The following ADAMTS5 variants were observed in gnomAD, a reference collection of about 807,000 sequenced individuals.
ADAMTS5 encodes the protein A disintegrin and metalloproteinase with thrombospondin motifs 5.
Under a neutral mutation model 81.4 loss-of-function variants are expected in ADAMTS5, and 54 were observed. That is an observed-to-expected ratio of 0.66 (90% CI 0.53 to 0.83). The LOEUF is 0.83. Among genes scored for constraint, ADAMTS5 ranks in the 40% least tolerant of loss-of-function variants. The probability of loss-of-function intolerance (pLI) is 0.00; values close to 1 mark genes in which losing one functional copy is unlikely to be tolerated. For synonymous variants in ADAMTS5, 532 were observed against 508.8 expected (o/e 1.05, Z -0.61); for missense variants, 1,194 against 1,229.9 (o/e 0.97, Z 0.44).
At chr21:26,933,131 A>G (rs1246747058) in intron 4 of ADAMTS5, 87 bp from the exon 5 acceptor site, 21 of 1,382,706 alleles carry the variant, frequency 1.5e-5, no homozygotes, top group Middle Eastern at 1.8e-4. Context: ...ATTTAATGAC[A>G]AAGTGGAAAC....
intron 7 of ADAMTS5, among the ~76,000 whole-genome samples, chr21:26,925,540 A>G (rs1244091756): frequency 2.0e-5 from 3 of 152,342 alleles, no homozygotes; most frequent in Non-Finnish European, 2.9e-5. Flanking sequence ...GCTAGGATGG[A>G]AATGCTAATT....
At position 26,966,515 on chromosome 21, in the gene ADAMTS5, G is replaced by T; in HGVS notation, c.-124C>A. 1 of 1,050,136 alleles carries T rather than the reference G, an allele frequency of 9.5e-7. No homozygotes were observed. Among genetic ancestry groups the T allele is most frequent in the Non-Finnish European group, 1.3e-6 (1 of 792,716 alleles). 65.1% of individuals were successfully genotyped at this position (1,050,136 alleles called of 1,614,324 possible). A position where few individuals can be genotyped will look rare whatever the true frequency, so the allele number is the denominator to read the frequency against. On this transcript the variant is annotated 5_prime_UTR_variant, in exon 1 of 8. Transcript: ENST00000284987. Reference sequence around the variant, plus strand: ...ACTTGCTTGCAGGATTGAGTCAAGTGTCGGAGGGAGGGGGGCCCGGCAGCA... The same window carrying T: ...ACTTGCTTGCAGGATTGAGTCAAGTTTCGGAGGGAGGGGGGCCCGGCAGCA...
chr21:26,936,446 A>T (rs1019450290), intron 3 of ADAMTS5, among the ~76,000 whole-genome samples: 1 of 152,196 alleles, frequency 6.6e-6, no homozygotes, highest in African/African-American at 2.4e-5. Context: ...TATTCTTTTT[A>T]TTCAACAAAA....
intron 2 of ADAMTS5, among the ~76,000 whole-genome samples, chr21:26,950,283 A>T (rs2123194594): frequency 6.6e-6 from 1 of 152,322 alleles, no homozygotes; most frequent in Non-Finnish European, 1.5e-5. Context: ...AACATCAATA[A>T]AATTATTGTT....
chr21:26,956,494 T>C (rs1241205593), intron 1 of ADAMTS5, among the ~76,000 whole-genome samples: 1 of 152,170 alleles, frequency 6.6e-6, no homozygotes, highest in Admixed American at 6.5e-5. Flanking sequence ...GTTTTTCAAA[T>C]TGAAATTGGA....
chr21:26,953,432 T>G (rs1047258426), intron 2 of ADAMTS5, among the ~76,000 whole-genome samples: 8 of 152,256 alleles, frequency 5.3e-5, no homozygotes, highest in African/African-American at 1.9e-4. Flanking sequence ...AACTGACATT[T>G]AACTACTGAA....
rs551411133 is a variant in ADAMTS5 at position 26,965,908 on chromosome 21, G to A, written c.484C>T (p.Arg162Cys). 6.2e-7 allele frequency: 1 copy of A among 1,613,884 alleles called. No individual in the cohort carries two copies. Among genetic ancestry groups the A allele is most frequent in the African/African-American group, 1.3e-5 (1 of 75,066 alleles). The stretch of plus-strand genomic sequence containing the variant: ...CGCAGCAGTGGCTTTAGGGTGTAGC[G>A]CGCGTGCTTGACCGCGAAGAAGCCG... ...LDGFFAVKHA[R>C]YTLKPLLRGP... The change falls in exon 1 of 8, where the codon CGC becomes TGC. Residue 162 changes from arginine (R) to cysteine (C), a missense_variant. This residue lies in a region of ADAMTS5 where 498 missense variants were observed against 412.3 expected (regional missense o/e 1.21). Coordinates refer to ENST00000284987, the MANE Select transcript of ADAMTS5 (RefSeq NM_007038.5).
At chr21:26,933,645 G>A (rs1471743938) in intron 4 of ADAMTS5, among the ~76,000 whole-genome samples, 2 of 152,192 alleles carry the variant, frequency 1.3e-5, no homozygotes, top group Non-Finnish European at 2.9e-5. Flanking sequence ...CACCCCTTAG[G>A]GAAGGAAGAG....
At chr21:26,929,380 C>T (rs1306487551) in intron 7 of ADAMTS5, among the ~76,000 whole-genome samples, 1 of 152,166 alleles carries the variant, frequency 6.6e-6, no homozygotes, top group African/African-American at 2.4e-5. Context: ...AGAGACACTG[C>T]TGTATATATT....
chr21:26,945,250 G>A (rs151059), intron 2 of ADAMTS5, among the ~76,000 whole-genome samples: 47,409 of 151,712 alleles, frequency 0.31, 7,827 homozygotes, highest in South Asian at 0.42. Context: ...TACACTTCCC[G>A]AAATTTTCCA....
At chr21:26,934,958 C>T (rs1435541106) in intron 3 of ADAMTS5, among the ~76,000 whole-genome samples, 2 of 151,988 alleles carry the variant, frequency 1.3e-5, no homozygotes, top group African/African-American at 4.8e-5. Flanking sequence ...AGGAGTGATG[C>T]GCTCCGGAGT....
At chr21:26,934,315 G>T in intron 4 of ADAMTS5, 151 bp downstream of exon 4, 2 of 993,632 alleles carry the variant, frequency 2.0e-6, no homozygotes, top group Non-Finnish European at 2.9e-6. Flanking sequence ...AATGGCTACT[G>T]CGGGTAAAAG....
chr21:26,946,620 C>A (rs566557605), intron 2 of ADAMTS5, among the ~76,000 whole-genome samples: 1 of 152,106 alleles, frequency 6.6e-6, no homozygotes, highest in South Asian at 2.1e-4. Context: ...ACAAGCAGAC[C>A]CCAGGAGCAT....
rs1328848911 is a variant in ADAMTS5, at chr21:26,934,574, C to G, written c.1581G>C (p.Met527Ile). The G allele has an allele frequency of 3.1e-6, 5 of 1,614,052 alleles. No homozygotes were observed. The highest frequency in any genetic ancestry group is 4.2e-6 in the Non-Finnish European group (5 of 1,180,042). ...LWCAVVRQGQ[M>I]VCLTKKLPAV... The stretch of plus-strand genomic sequence containing the variant: ...CAGGCAGCTTCTTGGTCAGACAGAC[C>G]ATCTGGCCCTGGCGTACCACAGCAC... Residue 527 changes from methionine to isoleucine, a missense_variant, in exon 4 of 8, where the codon ATG (methionine) becomes ATC (isoleucine). By Grantham distance (10) the Met-to-Ile change is conservative (BLOSUM62 1). This residue lies in a region of ADAMTS5 where 696 missense variants were observed against 817.6 expected (regional missense o/e 0.85). Coordinates refer to ENST00000284987, the MANE Select transcript of ADAMTS5 (RefSeq NM_007038.5).
rs201879333 is a variant in ADAMTS5 at position 26,934,623 on chromosome 21, A to T, written c.1532T>A (p.Met511Lys). The T allele has an allele frequency of 3.7e-6, 6 of 1,614,166 alleles. No homozygotes were observed. In the East Asian group the frequency reaches 1.3e-4, roughly 36 times the overall value. Residue 511 changes from methionine (M) to lysine (K), a missense_variant, in exon 4 of 8, where the codon ATG becomes AAG. Transcript: ENST00000284987. The part of the protein sequence containing the change: ...FGPEYSVCPG[M>K]DVCARLWCAV... Reference sequence around the variant, plus strand: ...ACACCACAGGCGAGCACAGACATCCATGCCGGGACACACGGAGTACTCAGG... The same window carrying T: ...ACACCACAGGCGAGCACAGACATCCTTGCCGGGACACACGGAGTACTCAGG...
At position 26,918,139 on chromosome 21, in the gene ADAMTS5, A is replaced by G. The variant is rs1468900286; in HGVS notation, c.*5914T>C. The G allele has an allele frequency of 6.6e-6, 1 of 152,442 alleles. No homozygotes were observed. Among genetic ancestry groups the G allele is most frequent in the Non-Finnish European group, 1.5e-5 (1 of 67,924 alleles). The allele number at this position is 152,442 out of a possible 1,614,324, so 9.4% of individuals were successfully genotyped here. ...GCTACAAGACACAGTAATGCTTTAA[A>G]TAGTTGATTAAGATTTGAAGGTTGC... On this transcript the variant is annotated 3_prime_UTR_variant, in exon 8 of 8. Coordinates refer to ENST00000284987, the MANE Select transcript of ADAMTS5 (RefSeq NM_007038.5).
At chr21:26,932,269 G>T in intron 5 of ADAMTS5, 90 bp from the exon 6 acceptor site, 2 of 1,391,290 alleles carry the variant, frequency 1.4e-6, no homozygotes, top group Non-Finnish European at 1.9e-6. Context: ...TTAAGGGGAA[G>T]ATGCAAACGT....
intron 2 of ADAMTS5, among the ~76,000 whole-genome samples, chr21:26,947,642 C>G (rs1245057731): frequency 6.6e-6 from 1 of 152,040 alleles, no homozygotes; most frequent in Non-Finnish European, 1.5e-5. Flanking sequence ...ACCATGTTGG[C>G]CGGGGTGGTC....
intron 1 of ADAMTS5, among the ~76,000 whole-genome samples, chr21:26,956,071 C>T (rs1987421123): frequency 6.6e-6 from 1 of 152,182 alleles, no homozygotes; most frequent in South Asian, 2.1e-4. Context: ...AGTGCTCCCA[C>T]ATCTTTAATA....
Sources: gnomAD v4.1 joint callset for allele counts (sites outside exome capture counted in the v4.1 genomes callset) on GRCh38, gnomAD v4.1.1 for gene constraint, gnomAD v4.1.1 regional missense constraint, MANE v1.5 for transcripts, NCBI Gene and HGNC (gene_info 2026-07-23, HGNC 2026-07-21) for gene names.